The following TMCO5A variants were observed in gnomAD, a reference collection of about 807,000 sequenced individuals.
TMCO5A encodes transmembrane and coiled-coil domain-containing protein 5A.
In TMCO5A, 34 loss-of-function variants were observed where a neutral mutation model predicts 42.3. That is an observed-to-expected ratio of 0.80 (90% CI 0.61 to 1.07). The LOEUF is 1.07. Ranked by LOEUF, TMCO5A falls within the 50% of genes least tolerant of loss-of-function variation. The pLI, the probability that TMCO5A is intolerant of heterozygous loss-of-function variation, is 0.00. For synonymous variants in TMCO5A, 131 were observed against 115.6 expected, an observed-to-expected ratio of 1.13 and a Z score of -0.86; for missense variants, 357 against 327.9, an observed-to-expected ratio of 1.09 and a Z score of -0.69.
the TMCO5A span, among the ~76,000 whole-genome samples, chr15:38,024,233 G>A: frequency 6.6e-6 from 1 of 152,206 alleles, no homozygotes; most frequent in Non-Finnish European, 1.5e-5. Context: ...GAAAAGGGAT[G>A]AGAAGAAAGG....
chr15:38,033,741 G>A, the TMCO5A span, among the ~76,000 whole-genome samples: 1 of 151,976 alleles, frequency 6.6e-6, no homozygotes, highest in Non-Finnish European at 1.5e-5. Context: ...CTTCTCCTGA[G>A]TAGCTGGGAT....
At chr15:37,991,455 A>AT in the TMCO5A span, among the ~76,000 whole-genome samples, 1 of 152,044 alleles carries the variant, frequency 6.6e-6, no homozygotes, top group Non-Finnish European at 1.5e-5. Flanking sequence ...CCTACTAGGA[A>AT]TTTTTTGAGC....
chr15:37,985,637 C>T, the TMCO5A span, among the ~76,000 whole-genome samples: 1 of 152,074 alleles, frequency 6.6e-6, no homozygotes, highest in Non-Finnish European at 1.5e-5. Context: ...TCTCAGAGAA[C>T]CATGAAAACA....
At chr15:37,941,357 C>T (rs1889732536) in intron 7 of TMCO5A, 152 bp downstream of exon 7, 1 of 782,076 alleles carries the variant, frequency 1.3e-6, no homozygotes, top group Non-Finnish European at 2.1e-6. Context: ...GGAAGATAAG[C>T]ACAATCCCTG....
the TMCO5A span, among the ~76,000 whole-genome samples, chr15:37,975,035 T>C: frequency 2.0e-5 from 3 of 152,188 alleles, no homozygotes; most frequent in African/African-American, 7.2e-5. Context: ...TTAATTTCCA[T>C]GTAACAGTGT....
At chr15:37,994,937 C>T in the TMCO5A span, among the ~76,000 whole-genome samples, 3 of 152,234 alleles carry the variant, frequency 2.0e-5, no homozygotes, top group Admixed American at 6.5e-5. Context: ...TTTGACTCCC[C>T]CAGATTTCTA....
At chr15:37,940,455 A>C (rs892394345) in intron 6 of TMCO5A, among the ~76,000 whole-genome samples, 4 of 152,120 alleles carry the variant, frequency 2.6e-5, no homozygotes, top group African/African-American at 9.7e-5. Context: ...TATCATTTAG[A>C]CTTTAGCTCA....
downstream of TMCO5A, among the ~76,000 whole-genome samples, chr15:37,972,579 T>C (rs1890695855): frequency 6.6e-6 from 1 of 152,228 alleles, no homozygotes; most frequent in African/African-American, 2.4e-5. Context: ...CATATGTATG[T>C]CTTCTTTTGA....
At chr15:38,037,710 A>G in the TMCO5A span, among the ~76,000 whole-genome samples, 1 of 152,146 alleles carries the variant, frequency 6.6e-6, no homozygotes, top group African/African-American at 2.4e-5. Flanking sequence ...TTTTACTGAC[A>G]ACTGTAAATA....
At chr15:37,967,592 A>T (rs1238261997) in exon 12 of TMCO5A, 1 of 152,204 alleles carries the variant, frequency 6.6e-6, no homozygotes, top group African/African-American at 2.4e-5. Flanking sequence ...AATTTAAGGT[A>T]AAAAATTCTA....
chr15:37,943,490 A>C, intron 10 of TMCO5A, 92 bp downstream of exon 10: 1 of 1,259,896 alleles, frequency 7.9e-7, no homozygotes. Context: ...TATATACCCA[A>C]TCTTGCCATG....
intron 11 of TMCO5A, among the ~76,000 whole-genome samples, chr15:37,965,158 G>A (rs553418429): frequency 1.2e-4 from 18 of 152,126 alleles, no homozygotes; most frequent in Admixed American, 2.6e-4. Context: ...GAACAAACAC[G>A]GCCGAAAGAC....
intron 9 of TMCO5A, chr15:37,942,464 C>A: frequency 3.8e-6 from 2 of 531,876 alleles, no homozygotes; most frequent in Non-Finnish European, 6.7e-6. Context: ...AAAAAGACCA[C>A]AGAAACACAT....
the TMCO5A span, among the ~76,000 whole-genome samples, chr15:38,039,798 T>G: frequency 6.6e-6 from 1 of 152,178 alleles, no homozygotes; most frequent in Non-Finnish European, 1.5e-5. Context: ...TGCCACAAAC[T>G]TAGCTACACA....
chr15:38,013,781 A>G, the TMCO5A span, among the ~76,000 whole-genome samples: 4 of 152,218 alleles, frequency 2.6e-5, no homozygotes, highest in Non-Finnish European at 5.9e-5. Context: ...TTATACTGTT[A>G]CTATAGCAAA....
the TMCO5A span, among the ~76,000 whole-genome samples, chr15:38,029,600 C>T: frequency 6.6e-6 from 1 of 152,160 alleles, no homozygotes; most frequent in Non-Finnish European, 1.5e-5. Flanking sequence ...GCTGGGACCA[C>T]AGGCATGCAC....
chr15:38,016,121 G>T, the TMCO5A span, among the ~76,000 whole-genome samples: 1 of 151,862 alleles, frequency 6.6e-6, no homozygotes, highest in Admixed American at 6.5e-5. Flanking sequence ...CCCCTATGGT[G>T]GGGGGTGTTG....
the TMCO5A span, among the ~76,000 whole-genome samples, chr15:38,007,964 C>G: frequency 3.3e-4 from 44 of 135,218 alleles, no homozygotes; most frequent in African/African-American, 1.2e-3. Context: ...GGCACGATCT[C>G]GGCTCACTGC....
downstream of TMCO5A, among the ~76,000 whole-genome samples, chr15:37,954,211 C>T (rs1339084969): frequency 6.6e-6 from 1 of 151,950 alleles, no homozygotes; most frequent in Admixed American, 6.6e-5. Context: ...AAATATAGAA[C>T]ACCTACAGAT....
Sources: allele counts gnomAD v4.1 joint callset (sites outside exome capture counted in the v4.1 genomes callset), GRCh38; gene constraint gnomAD v4.1.1; transcripts MANE v1.5; gene names NCBI Gene and HGNC (gene_info 2026-07-23, HGNC 2026-07-21).